Variants in PLD5 observed in about 807,000 individuals in gnomAD.
PLD5 encodes the protein phospholipase D family member 5, also known as inactive phospholipase D5.
In PLD5, 36 loss-of-function variants were observed where a neutral mutation model predicts 61.1. That is an observed-to-expected ratio of 0.59 (90% confidence interval 0.45 to 0.78). PLD5 has a LOEUF of 0.78. Among genes scored for constraint, PLD5 ranks in the 30% least tolerant of loss-of-function variants. The pLI is 0.00. For missense variants in PLD5, 515 were observed against 644.4 expected, an observed-to-expected ratio of 0.80 and a Z score of 2.17; for synonymous variants, 243 against 242.8, an observed-to-expected ratio of 1.00 and a Z score of -0.01.
At chr1:242,184,712 T>C (rs1450616738) in intron 5 of PLD5, among the ~76,000 whole-genome samples, 1 of 152,236 alleles carries the variant, frequency 6.6e-6, no homozygotes, top group Non-Finnish European at 1.5e-5. Flanking sequence ...AACTGATTTT[T>C]AAACTTGAGG....
chr1:242,112,910 C>T (rs1180519878), intron 7 of PLD5, among the ~76,000 whole-genome samples: 3 of 152,152 alleles, frequency 2.0e-5, no homozygotes, highest in African/African-American at 7.2e-5. Context: ...TTTATGCATG[C>T]AATGATTTCC....
At chr1:242,510,182 C>T (rs1047053138) in intron 1 of PLD5, among the ~76,000 whole-genome samples, 8 of 152,032 alleles carry the variant, frequency 5.3e-5, no homozygotes, top group Non-Finnish European at 1.2e-4. Flanking sequence ...TAGAAGACCC[C>T]TTTCCCGCAC....
chr1:242,181,047 T>TA (rs781323897), intron 5 of PLD5, among the ~76,000 whole-genome samples: 13 of 152,188 alleles, frequency 8.5e-5, no homozygotes, highest in Admixed American at 2.0e-4. Context: ...TCCCAGGTGG[T>TA]AAAGCAGCTG....
intron 1 of PLD5, among the ~76,000 whole-genome samples, chr1:242,475,123 A>G (rs886202583): frequency 1.2e-4 from 19 of 152,238 alleles, no homozygotes; most frequent in African/African-American, 4.6e-4. Context: ...TTGGTGTCAA[A>G]TAAGAGAGAG....
intron 7 of PLD5, among the ~76,000 whole-genome samples, chr1:242,108,922 C>T (rs1387157878): frequency 2.0e-5 from 3 of 152,192 alleles, no homozygotes; most frequent in Non-Finnish European, 4.4e-5. Context: ...TCCTGTCTCC[C>T]TTGCCTGCCC....
At chr1:242,372,022 C>T (rs1355594829) in intron 1 of PLD5, among the ~76,000 whole-genome samples, 2 of 152,124 alleles carry the variant, frequency 1.3e-5, no homozygotes, top group Non-Finnish European at 2.9e-5. Flanking sequence ...CTACCACCCT[C>T]CCCACACCCC....
chr1:242,342,761 A>G (rs1177509551), intron 2 of PLD5, among the ~76,000 whole-genome samples: 1 of 152,106 alleles, frequency 6.6e-6, no homozygotes, highest in African/African-American at 2.4e-5. Context: ...CAAAAAAAAA[A>G]AGGTCATTTA....
intron 1 of PLD5, among the ~76,000 whole-genome samples, chr1:242,490,404 G>A (rs899437815): frequency 3.9e-5 from 6 of 152,106 alleles, no homozygotes; most frequent in African/African-American, 9.7e-5. Flanking sequence ...GTAATTATGT[G>A]TGCACATACA....
chr1:242,448,704 C>G (rs1666652753), intron 1 of PLD5, among the ~76,000 whole-genome samples: 1 of 152,162 alleles, frequency 6.6e-6, no homozygotes, highest in Non-Finnish European at 1.5e-5. Flanking sequence ...ATCTAAAGAC[C>G]TCACGTTTAC....
chr1:242,254,117 C>G (rs1672876116), intron 4 of PLD5, among the ~76,000 whole-genome samples: 1 of 152,070 alleles, frequency 6.6e-6, no homozygotes, highest in African/African-American at 2.4e-5. Context: ...ATCAGAAAAT[C>G]ACAGATCTAG....
chr1:242,378,550 A>T (rs1013701935), intron 1 of PLD5, among the ~76,000 whole-genome samples: 1 of 152,174 alleles, frequency 6.6e-6, no homozygotes, highest in Admixed American at 6.5e-5. Context: ...AAAAACAATT[A>T]AAAAAACCAT....
chr1:242,469,438 T>C (rs968856942), intron 1 of PLD5, among the ~76,000 whole-genome samples: 8 of 152,230 alleles, frequency 5.3e-5, no homozygotes, highest in Non-Finnish European at 1.0e-4. Flanking sequence ...TTGTATTTAT[T>C]GGTCTCTGGA....
chr1:242,161,576 A>G (rs1665833394), intron 5 of PLD5, among the ~76,000 whole-genome samples: 1 of 152,170 alleles, frequency 6.6e-6, no homozygotes, highest in Non-Finnish European at 1.5e-5. Flanking sequence ...TTCATTGTGA[A>G]TATTTAAGTT....
intron 1 of PLD5, among the ~76,000 whole-genome samples, chr1:242,348,632 A>C (rs1300993898): frequency 6.6e-6 from 1 of 152,252 alleles, no homozygotes; most frequent in Non-Finnish European, 1.5e-5. Context: ...AAAACATTTG[A>C]AGATATTTAT....
At position 242,124,277 on chromosome 1, in the gene PLD5, A is replaced by G. The variant is rs536752424; in HGVS notation, c.933+191T>C. ...CTCAAGGTATCTGACACAAGGAATG[A>G]TGATCAAGATTTATTATATTTGAGG... On this transcript the variant is annotated intron_variant, in intron 6 of 9. Transcript: ENST00000536534. The G allele has an allele frequency of 9.1e-6, 5 of 552,082 alleles. No homozygotes were observed. The African/African-American group carries it at 9.4e-5, about 10-fold the overall frequency. 34.2% of individuals were successfully genotyped at this position (552,082 alleles called of 1,614,324 possible). A position where few individuals can be genotyped will look rare whatever the true frequency, so the allele number is the denominator to read the frequency against.
At chr1:242,107,002 T>C (rs1661108566) in intron 8 of PLD5, among the ~76,000 whole-genome samples, 1 of 152,054 alleles carries the variant, frequency 6.6e-6, no homozygotes, top group African/African-American at 2.4e-5. Context: ...TAATTCCCAA[T>C]CTTACCTCCC....
intron 1 of PLD5, among the ~76,000 whole-genome samples, chr1:242,440,328 G>T (rs1666214074): frequency 6.6e-6 from 1 of 152,166 alleles, no homozygotes; most frequent in Non-Finnish European, 1.5e-5. Flanking sequence ...CTGGTCACAG[G>T]AATTAATTGG....
chr1:242,154,648 A>G (rs1403168900), intron 5 of PLD5, among the ~76,000 whole-genome samples: 1 of 152,106 alleles, frequency 6.6e-6, no homozygotes, highest in East Asian at 1.9e-4. Context: ...GATTACATTT[A>G]TTGATTTGTG....
chr1:242,525,688 G>C (rs1399886333), upstream of PLD5, among the ~76,000 whole-genome samples: 9 of 152,226 alleles, frequency 5.9e-5, no homozygotes, highest in African/African-American at 2.2e-4. Context: ...ATTTTAGAGG[G>C]TGTTGCCAAG....
Sources: allele counts gnomAD v4.1 joint callset (sites outside exome capture counted in the v4.1 genomes callset), GRCh38; gene constraint gnomAD v4.1.1; transcripts MANE v1.5; gene names NCBI Gene and HGNC (gene_info 2026-07-23, HGNC 2026-07-21).